ANK2: variants seen among roughly 807,000 people sequenced by gnomAD.
The protein encoded by ANK2 is ankyrin 2.
A neutral mutation model predicts 360.5 loss-of-function variants in ANK2; 83 were observed. That is an observed-to-expected ratio of 0.23 (90% CI 0.19 to 0.28). The LOEUF is 0.28. ANK2 is among the 10% of genes least tolerant of loss of function. ANK2 has a pLI of 1.00. For synonymous variants in ANK2, 1,740 were observed against 1,759.5 expected (o/e 0.99, Z 0.28); for missense variants, 4,201 against 4,795.7 (o/e 0.88, Z 3.66).
the ANK2 span, among the ~76,000 whole-genome samples, chr4:112,787,750 A>C: frequency 5.3e-5 from 8 of 152,176 alleles, no homozygotes; most frequent in African/African-American, 1.9e-4. Context: ...GAAGGGGGGC[A>C]CTTTCTGTGT....
chr4:112,751,266 A>G, the ANK2 span, among the ~76,000 whole-genome samples: 1 of 152,184 alleles, frequency 6.6e-6, no homozygotes, highest in Non-Finnish European at 1.5e-5. Context: ...TTACAATGCC[A>G]TATACCAGCA....
chr4:113,195,149 A>C (rs17045738), intron 2 of ANK2, among the ~76,000 whole-genome samples: 7,548 of 152,104 alleles, frequency 0.05, 220 homozygotes, highest in African/African-American at 0.075. Flanking sequence ...TTTGCCTCTA[A>C]ATTTGGAGAC....
At chr4:113,096,831 A>C (rs2091252638) in intron 1 of ANK2, among the ~76,000 whole-genome samples, 1 of 152,016 alleles carries the variant, frequency 6.6e-6, no homozygotes, top group South Asian at 2.1e-4. Flanking sequence ...TTTTGCCACA[A>C]TACTTATGCA....
chr4:113,295,848 T>C (rs1316125035), intron 22 of ANK2, among the ~76,000 whole-genome samples: 1 of 152,148 alleles, frequency 6.6e-6, no homozygotes, highest in Non-Finnish European at 1.5e-5. Flanking sequence ...CTGGTTTCTC[T>C]TATAATTGTG....
chr4:112,885,496 C>CAAAA (rs11429383), intron 1 of ANK2, among the ~76,000 whole-genome samples: 8 of 123,060 alleles, frequency 6.5e-5, no homozygotes, highest in African/African-American at 1.8e-4. Context: ...AAGACTCCAT[C>CAAAA]AAAAAAAAAA....
At chr4:113,231,555 A>AT (rs2099306145) in intron 4 of ANK2, among the ~76,000 whole-genome samples, 1 of 152,078 alleles carries the variant, frequency 6.6e-6, no homozygotes, top group Non-Finnish European at 1.5e-5. Context: ...ATAATTCCAT[A>AT]TGTTATGAAC....
chr4:112,863,086 G>A (rs1360433211), intron 1 of ANK2, among the ~76,000 whole-genome samples: 15 of 152,100 alleles, frequency 9.9e-5, no homozygotes, highest in Non-Finnish European at 1.5e-5. Flanking sequence ...TAGAACAAAG[G>A]ATTAGGAAAC....
chr4:112,749,474 A>G, the ANK2 span, among the ~76,000 whole-genome samples: 1 of 152,130 alleles, frequency 6.6e-6, no homozygotes, highest in African/African-American at 2.4e-5. Flanking sequence ...TTTTGGGAGG[A>G]AAGTTATATT....
At chr4:113,177,861 A>C (rs890582062) in intron 2 of ANK2, among the ~76,000 whole-genome samples, 1 of 152,236 alleles carries the variant, frequency 6.6e-6, no homozygotes, top group African/African-American at 2.4e-5. Flanking sequence ...CACTTTAGAA[A>C]GTGATATTTT....
At chr4:113,229,753 C>T (rs989728384) in intron 4 of ANK2, among the ~76,000 whole-genome samples, 11 of 152,164 alleles carry the variant, frequency 7.2e-5, no homozygotes, top group Non-Finnish European at 1.3e-4. Flanking sequence ...GGAAGTCCCT[C>T]TAAAGCTCAG....
intron 1 of ANK2, among the ~76,000 whole-genome samples, chr4:113,083,853 T>C (rs1013807307): frequency 7.2e-5 from 11 of 152,216 alleles, no homozygotes; most frequent in African/African-American, 2.7e-4. Flanking sequence ...TTAGTTTTCA[T>C]ACAAAGTTTA....
At chr4:113,025,797 A>G (rs1224611519) in intron 2 of ANK2, among the ~76,000 whole-genome samples, 3 of 152,148 alleles carry the variant, frequency 2.0e-5, no homozygotes, top group African/African-American at 7.2e-5. Flanking sequence ...TTTGTGAAAA[A>G]GCAGCTTTTG....
intron 1 of ANK2, among the ~76,000 whole-genome samples, chr4:113,162,080 A>G (rs377015139): frequency 2.0e-5 from 3 of 152,216 alleles, no homozygotes; most frequent in East Asian, 3.8e-4. Flanking sequence ...ATTTTAGGGT[A>G]TTCTGTTCCC....
Position 113,311,384 on chromosome 4 carries a change from G to A in ANK2, c.2678G>A (p.Gly893Glu). 1 of 1,614,126 alleles carries A rather than the reference G, an allele frequency of 6.2e-7. No individual in the cohort carries two copies. Residue 893 changes from glycine to glutamate, a missense_variant, in exon 24 of 46, where the codon GGA becomes GAA. Gly to Glu is a moderately conservative substitution (Grantham distance 98, BLOSUM62 -2). This residue lies in a region of ANK2 where 1,268 missense variants were observed against 1,650.8 expected (regional missense o/e 0.77). Coordinates refer to ENST00000357077, the MANE Select transcript of ANK2 (RefSeq NM_001148.6). ...GMNYLRYSLE[G>E]GRSDSLRSFS... Reference sequence around the variant, plus strand: ...AATTACCTGCGATACAGCTTGGAGGGAGGACGATCTGACAGGTATCTCATA... The same window carrying A: ...AATTACCTGCGATACAGCTTGGAGGAAGGACGATCTGACAGGTATCTCATA...
chr4:113,309,696 A>T (rs530396420), intron 23 of ANK2, among the ~76,000 whole-genome samples: 3 of 151,972 alleles, frequency 2.0e-5, no homozygotes, highest in East Asian at 1.9e-4. Context: ...TTTGAAAAAA[A>T]TTTTTAGTAG....
chr4:112,958,358 G>C (rs1363444866), intron 2 of ANK2, among the ~76,000 whole-genome samples: 1 of 152,216 alleles, frequency 6.6e-6, no homozygotes, highest in Non-Finnish European at 1.5e-5. Context: ...TCGGGAGGCC[G>C]AGGCTGGCGG....
At position 112,843,604 on chromosome 4, in the gene ANK2, A is replaced by G. The variant is rs112550061; in HGVS notation, c.-40+25340A>G. Among the ~76,000 whole-genome samples the G allele has an allele frequency of 5.4e-3, 830 of 152,328 alleles. 5 individuals carry two copies. Among genetic ancestry groups the G allele is most frequent in the African/African-American group, 0.019 (773 of 41,574 alleles). On this transcript the variant is annotated intron_variant, in intron 1 of 30. Coordinates refer to the ANK2 transcript ENST00000503271. The stretch of plus-strand genomic sequence containing the variant: ...AGAATTCTATTGTCTGTGATTCCCA[A>G]GTGCGTTTTTGCACTTGGGAAAAAA...
chr4:113,083,692 T>TCATTTATAGTG (rs1233863696), intron 1 of ANK2, among the ~76,000 whole-genome samples: 4 of 152,330 alleles, frequency 2.6e-5, no homozygotes, highest in South Asian at 4.1e-4. Flanking sequence ...ATAGATGCAT[T>TCATTTATAGTG]CATTTATAGT....
chr4:113,177,324 C>T (rs1351265971), intron 2 of ANK2, among the ~76,000 whole-genome samples: 1 of 152,188 alleles, frequency 6.6e-6, no homozygotes, highest in Non-Finnish European at 1.5e-5. Context: ...TCGTGATCAG[C>T]CCGCCTCGGC....
Sources: allele counts gnomAD v4.1 joint callset (sites outside exome capture counted in the v4.1 genomes callset), GRCh38; gene constraint gnomAD v4.1.1; regional missense constraint gnomAD v4.1.1; transcripts MANE v1.5; gene names NCBI Gene and HGNC (gene_info 2026-07-23, HGNC 2026-07-21).